RIMS1: variants seen among roughly 807,000 people sequenced by gnomAD.
RIMS1 encodes the protein regulating synaptic membrane exocytosis protein 1.
RIMS1 carries 83 observed loss-of-function variants against 214.1 expected under a neutral mutation model. The observed-to-expected ratio is 0.39, with a 90% CI of 0.32 to 0.47. The LOEUF (loss-of-function observed/expected upper bound fraction) is 0.47, where lower values mean the gene tolerates loss of function less well. RIMS1 is among the 20% of genes least tolerant of loss of function. The pLI is 0.99. For synonymous variants in RIMS1, 793 were observed against 786.8 expected (o/e 1.01, Z -0.13); for missense variants, 2,050 against 2,161.8 (o/e 0.95, Z 1.03).
intron 2 of RIMS1, among the ~76,000 whole-genome samples, chr6:71,976,360 G>T (rs1290604101): frequency 6.6e-6 from 1 of 152,062 alleles, no homozygotes; most frequent in Non-Finnish European, 1.5e-5. Flanking sequence ...CTTCTTTGGA[G>T]AAATATCTAT....
At chr6:71,983,779 A>T (rs1485824922) in intron 2 of RIMS1, among the ~76,000 whole-genome samples, 1 of 152,246 alleles carries the variant, frequency 6.6e-6, no homozygotes, top group African/African-American at 2.4e-5. Context: ...TAAATCGTGG[A>T]TAAATTTTAA....
intron 2 of RIMS1, among the ~76,000 whole-genome samples, chr6:72,035,021 C>G (rs1819218470): frequency 6.6e-6 from 1 of 152,136 alleles, no homozygotes; most frequent in African/African-American, 2.4e-5. Context: ...CAGTTGCTGA[C>G]AGCTGAGAGC....
intron 30 of RIMS1, among the ~76,000 whole-genome samples, 178 bp from the exon 31 acceptor site, chr6:72,392,516 CTCAG>C (rs1473084732): frequency 1.3e-5 from 2 of 152,018 alleles, no homozygotes. Flanking sequence ...TACACCTTTC[CTCAG>C]TCAATGTTAA....
chr6:72,263,868 T>A (rs917168590), intron 19 of RIMS1: 1 of 395,362 alleles, frequency 2.5e-6, no homozygotes, highest in African/African-American at 2.2e-5. Flanking sequence ...TGGCAGGTGC[T>A]TGTAATCCCA....
Position 72,114,296 on chromosome 6 carries a change from C to T in RIMS1, c.471+14310C>T, listed in dbSNP as rs574247490. Among the ~76,000 whole-genome samples, 45 of 151,752 alleles carry T rather than the reference C, an allele frequency of 3.0e-4. 1 individual carries two copies. Among genetic ancestry groups the T allele is most frequent in the Non-Finnish European group, 5.7e-4 (39 of 67,856 alleles). Reference sequence around the variant, plus strand: ...ATGCATTATTTCATGGAATTGTATTCGCACTGGAGTCGTATTAGTTATTAC... The same window carrying T: ...ATGCATTATTTCATGGAATTGTATTTGCACTGGAGTCGTATTAGTTATTAC... On this transcript the variant is annotated intron_variant, in intron 4 of 33. Transcript: ENST00000521978.
chr6:72,394,535 G>A (rs1008598989), intron 31 of RIMS1, among the ~76,000 whole-genome samples: 3 of 151,984 alleles, frequency 2.0e-5, no homozygotes, highest in African/African-American at 7.2e-5. Context: ...GAAAATATAA[G>A]TATAGTGCTT....
chr6:71,902,523 C>T lies in RIMS1; in HGVS notation c.164+15336C>T, dbSNP rs973053921. On this transcript the variant is annotated intron_variant, in intron 1 of 33. Coordinates refer to ENST00000521978, the MANE Select transcript of RIMS1 (RefSeq NM_014989.7). ...GTCAACAATTTCCTATGTATGTGAT[C>T]TTTCTTTTTTTCTTCAACAGTTATT... 7.2e-5 allele frequency among the ~76,000 whole-genome samples: 11 copies of T among 152,010 alleles called. 1 individual carries two copies. The highest frequency in any genetic ancestry group is 3.3e-4 in the Admixed American group (5 of 15,222).
chr6:71,915,152 A>G (rs961171581), intron 1 of RIMS1, among the ~76,000 whole-genome samples: 4 of 152,054 alleles, frequency 2.6e-5, no homozygotes, highest in Non-Finnish European at 5.9e-5. Flanking sequence ...ATGTTTTCCT[A>G]TCTGTCTAAA....
At chr6:72,264,683 G>A (rs906377510) in intron 19 of RIMS1, among the ~76,000 whole-genome samples, 2 of 152,104 alleles carry the variant, frequency 1.3e-5, no homozygotes, top group Non-Finnish European at 2.9e-5. Context: ...AGATTAAGTA[G>A]CACATTTACA....
intron 1 of RIMS1, among the ~76,000 whole-genome samples, chr6:71,944,896 G>A (rs190926150): frequency 1.1e-4 from 16 of 152,208 alleles, no homozygotes; most frequent in African/African-American, 1.7e-4. Flanking sequence ...TAGACATTGC[G>A]TTGTTATCTT....
intron 1 of RIMS1, among the ~76,000 whole-genome samples, chr6:71,908,981 G>A (rs999306654): frequency 7.9e-5 from 12 of 151,986 alleles, no homozygotes; most frequent in African/African-American, 2.9e-4. Flanking sequence ...AGATTCTACT[G>A]TATTTCTTTT....
Position 72,182,843 on chromosome 6 carries a change from C to T in RIMS1, c.1372C>T (p.Pro458Ser), listed in dbSNP as rs1287735538. Residue 458 changes from proline to serine, a missense_variant, in exon 6 of 34, where the codon CCC (proline) becomes TCC (serine). By Grantham distance (74) the Pro-to-Ser change is moderately conservative. Around this residue, in one of 6 missense-constraint regions of RIMS1, gnomAD observed 882 missense variants for 828.9 expected, o/e 1.06. Coordinates refer to ENST00000521978, the MANE Select transcript of RIMS1 (RefSeq NM_014989.7). ...SPPAPRHGPVPAEAPELKAQE... is the reference protein window; with the variant it reads ...SPPAPRHGPVSAEAPELKAQE... ...GCCGGCGCCCAGACATGGGCCGGTT[C>T]CCGCAGAAGCCCCGGAGCTCAAAGC... 1.9e-6 allele frequency: 3 copies of T among 1,553,410 alleles called. No individual in the cohort carries two copies. The highest frequency in any genetic ancestry group is 1.2e-5 in the South Asian group (1 of 84,390).
At chr6:72,190,261 C>T (rs2463723) in intron 6 of RIMS1, among the ~76,000 whole-genome samples, 79,756 of 151,704 alleles carry the variant, frequency 0.53, 22,675 homozygotes, top group East Asian at 0.83. Flanking sequence ...GTCAAGAATT[C>T]GAGACCAGCC....
intron 2 of RIMS1, among the ~76,000 whole-genome samples, chr6:71,992,454 TTCTC>T (rs1302801429): frequency 2.4e-5 from 3 of 126,904 alleles, no homozygotes; most frequent in African/African-American, 7.9e-5. Flanking sequence ...TTCTTTCTCT[TTCTC>T]TTTCTTTCTC....
intron 4 of RIMS1, among the ~76,000 whole-genome samples, chr6:72,154,308 G>A (rs1413145903): frequency 7.1e-6 from 1 of 139,910 alleles, no homozygotes; most frequent in African/African-American, 2.5e-5. Flanking sequence ...ACGGATAGAT[G>A]GATGTATTGA....
At chr6:72,013,029 C>A (rs1811391607) in intron 2 of RIMS1, among the ~76,000 whole-genome samples, 1 of 152,296 alleles carries the variant, frequency 6.6e-6, no homozygotes, top group East Asian at 1.9e-4. Context: ...TGACGCTGTG[C>A]AAACCACTAC....
intron 1 of RIMS1, among the ~76,000 whole-genome samples, chr6:71,928,873 A>G (rs1782270026): frequency 6.6e-6 from 1 of 152,160 alleles, no homozygotes; most frequent in Non-Finnish European, 1.5e-5. Flanking sequence ...CTTATTTTGA[A>G]TGAGATGTTT....
At chr6:72,066,650 A>G (rs886365632) in intron 2 of RIMS1, among the ~76,000 whole-genome samples, 2 of 152,208 alleles carry the variant, frequency 1.3e-5, no homozygotes, top group African/African-American at 4.8e-5. Flanking sequence ...ATCTTAGAAC[A>G]ATATGAGCAT....
chr6:72,253,027 C>T (rs2074172123), intron 16 of RIMS1, among the ~76,000 whole-genome samples, 195 bp downstream of exon 16: 2 of 152,154 alleles, frequency 1.3e-5, no homozygotes, highest in Admixed American at 6.6e-5. Context: ...AATTAGCATT[C>T]CCATAGTGAG....
Sources: allele counts gnomAD v4.1 joint callset (sites outside exome capture counted in the v4.1 genomes callset), GRCh38; gene constraint gnomAD v4.1.1; regional missense constraint gnomAD v4.1.1; transcripts MANE v1.5; gene names NCBI Gene and HGNC (gene_info 2026-07-23, HGNC 2026-07-21).